Variants in FANCL observed in about 807,000 individuals in gnomAD.
FANCL encodes FA complementation group L.
A neutral mutation model predicts 59.4 loss-of-function variants in FANCL; 69 were observed. The ratio of observed to expected loss-of-function variants is 1.16; its 90% CI spans 0.96 to 1.42. The LOEUF (loss-of-function observed/expected upper bound fraction) is 1.42, where lower values mean the gene tolerates loss of function less well. Among genes scored for constraint, FANCL ranks in the 40% most tolerant of loss-of-function variants. FANCL has a pLI of 0.00. For missense variants in FANCL, 519 were observed against 447.2 expected, an observed-to-expected ratio of 1.16 and a Z score of -1.45; for synonymous variants, 180 against 147.1, an observed-to-expected ratio of 1.22 and a Z score of -1.62.
At chr2:58,230,735 T>C (rs181267588) in intron 2 of FANCL, among the ~76,000 whole-genome samples, 7 of 152,298 alleles carry the variant, frequency 4.6e-5, no homozygotes, top group Admixed American at 3.3e-4. Flanking sequence ...CAAATGTCCA[T>C]TGGTAACCCC....
At chr2:58,178,010 G>C (rs1276996671) in intron 7 of FANCL, among the ~76,000 whole-genome samples, 2 of 151,876 alleles carry the variant, frequency 1.3e-5, no homozygotes, top group Non-Finnish European at 2.9e-5. Flanking sequence ...TAAATTCCTG[G>C]ACACATACAC....
At position 58,229,893 on chromosome 2, in the gene FANCL, A is replaced by T. The variant is rs1693407539; in HGVS notation, c.156-19T>A. The T allele has an allele frequency of 1.3e-6, 2 of 1,560,548 alleles. No individual in the cohort carries two copies. The highest frequency in any genetic ancestry group is 2.2e-5 in the South Asian group (2 of 89,986). Reference sequence around the variant, plus strand: ...TAATAATCTAAAATTTTAATGAGACAAAATGGTTTATTCATTGTTCAGAAT... The same window carrying T: ...TAATAATCTAAAATTTTAATGAGACTAAATGGTTTATTCATTGTTCAGAAT... On this transcript the variant is annotated intron_variant, in intron 2 of 13. Coordinates refer to ENST00000233741, the MANE Select transcript of FANCL (RefSeq NM_018062.4).
At chr2:58,237,434 C>A (rs967040450) in intron 1 of FANCL, among the ~76,000 whole-genome samples, 1 of 151,768 alleles carries the variant, frequency 6.6e-6, no homozygotes, top group African/African-American at 2.4e-5. Flanking sequence ...TACAGCACAC[C>A]AAAATGTGTG....
At chr2:58,207,921 T>C (rs1690753839) in intron 5 of FANCL, among the ~76,000 whole-genome samples, 1 of 152,164 alleles carries the variant, frequency 6.6e-6, no homozygotes, top group Non-Finnish European at 1.5e-5. Context: ...TAACTCGTCA[T>C]GGTGGCGTGC....
chr2:58,164,802 A>C (rs1333319833), intron 8 of FANCL, among the ~76,000 whole-genome samples: 2 of 152,058 alleles, frequency 1.3e-5, no homozygotes, highest in African/African-American at 4.8e-5. Flanking sequence ...TAATTGTTCC[A>C]AATTAAACAC....
intron 5 of FANCL, among the ~76,000 whole-genome samples, chr2:58,220,191 TA>T (rs1294771084): frequency 6.6e-6 from 1 of 152,240 alleles, no homozygotes; most frequent in Non-Finnish European, 1.5e-5. Flanking sequence ...AGGATTTAAA[TA>T]ACTTGGCTCT....
At chr2:58,174,176 C>A (rs192060383) in intron 7 of FANCL, among the ~76,000 whole-genome samples, 192 of 152,278 alleles carry the variant, frequency 1.3e-3, no homozygotes, top group Admixed American at 2.3e-3. Flanking sequence ...AAGACTCCCA[C>A]ACAATAATAA....
intron 5 of FANCL, chr2:58,213,845 C>A (rs767774736): frequency 6.6e-6 from 1 of 152,026 alleles, no homozygotes; most frequent in Non-Finnish European, 1.5e-5. Context: ...TTTTGCAAAT[C>A]GTCCATTTTA....
At chr2:58,173,063 G>A (rs1221980710) in intron 7 of FANCL, among the ~76,000 whole-genome samples, 1 of 152,172 alleles carries the variant, frequency 6.6e-6, no homozygotes, top group South Asian at 2.1e-4. Context: ...TGAATGAAAT[G>A]AAGCAAGAAG....
rs139801716 is a variant in FANCL at position 58,163,454 on chromosome 2, A to C, written c.755T>G (p.Phe252Cys). 2,283 of 1,610,222 alleles carry C rather than the reference A, an allele frequency of 1.4e-3. 46 individuals are homozygous for C. The South Asian group carries it at 0.023, about 16-fold the overall frequency. The change falls in exon 9 of 14, where the codon TTC (phenylalanine) becomes TGC (cysteine). Residue 252 changes from phenylalanine to cysteine, a missense_variant. Physicochemically the swap from Phe to Cys is radical, Grantham distance 205 (BLOSUM62 -2). Coordinates refer to ENST00000233741, the MANE Select transcript of FANCL (RefSeq NM_018062.4). ...PRHPTMLPECFFLGADHVVKP... is the reference protein window; with the variant it reads ...PRHPTMLPECCFLGADHVVKP... ...CATACCATGGTCAGCTCCAAGAAAG[A>C]AGCACTCAGGAAGCATAGTAGGATG...
intron 5 of FANCL, among the ~76,000 whole-genome samples, chr2:58,211,358 A>G (rs570702854): frequency 6.6e-6 from 1 of 152,298 alleles, no homozygotes; most frequent in South Asian, 2.1e-4. Context: ...GCTGGGATGC[A>G]GGGAACCAAG....
At chr2:58,215,452 A>C (rs1325325791) in intron 5 of FANCL, among the ~76,000 whole-genome samples, 1 of 152,214 alleles carries the variant, frequency 6.6e-6, no homozygotes, top group Non-Finnish European at 1.5e-5. Context: ...TAGCTTGCTA[A>C]AGACCAACAC....
intron 1 of FANCL, among the ~76,000 whole-genome samples, chr2:58,238,686 T>A (rs2104020398): frequency 6.6e-6 from 1 of 152,256 alleles, no homozygotes; most frequent in Admixed American, 6.5e-5. Flanking sequence ...GACTTTTTTA[T>A]AAACAATACT....
chr2:58,180,398 G>C (rs1360866040), intron 7 of FANCL, among the ~76,000 whole-genome samples: 1 of 152,124 alleles, frequency 6.6e-6, no homozygotes, highest in Non-Finnish European at 1.5e-5. Flanking sequence ...CATAAAAAAG[G>C]ATGAGTTCAT....
intron 5 of FANCL, among the ~76,000 whole-genome samples, chr2:58,220,415 T>C (rs1329805913): frequency 6.6e-6 from 1 of 152,136 alleles, no homozygotes; most frequent in Admixed American, 6.5e-5. Flanking sequence ...GATCTACACA[T>C]AAGAAGAGAA....
At chr2:58,186,393 G>T (rs1446535269) in intron 7 of FANCL, among the ~76,000 whole-genome samples, 1 of 152,174 alleles carries the variant, frequency 6.6e-6, no homozygotes, top group Non-Finnish European at 1.5e-5. Flanking sequence ...GATTTCCCCA[G>T]AAGGCAAAGC....
chr2:58,230,152 G>A (rs1356834847), intron 2 of FANCL, among the ~76,000 whole-genome samples: 1 of 152,158 alleles, frequency 6.6e-6, no homozygotes, highest in Non-Finnish European at 1.5e-5. Context: ...TTCCACTGAA[G>A]TAGATTCTTT....
intron 1 of FANCL, among the ~76,000 whole-genome samples, chr2:58,236,485 C>G (rs1355537489): frequency 2.0e-5 from 3 of 149,706 alleles, no homozygotes; most frequent in Non-Finnish European, 4.4e-5. Context: ...CACACACACA[C>G]ACAGCCAATA....
chr2:58,224,778 T>C (rs549903431), intron 4 of FANCL, among the ~76,000 whole-genome samples: 1 of 152,006 alleles, frequency 6.6e-6, no homozygotes, highest in East Asian at 1.9e-4. Context: ...GATGTTAACA[T>C]TAGAAAACAG....
Sources: allele counts gnomAD v4.1 joint callset (sites outside exome capture counted in the v4.1 genomes callset), GRCh38; gene constraint gnomAD v4.1.1; transcripts MANE v1.5; gene names NCBI Gene and HGNC (gene_info 2026-07-23, HGNC 2026-07-21).